Variants in OTUD7A observed in about 807,000 individuals in gnomAD.
The protein encoded by OTUD7A is OTU deubiquitinase 7A.
In OTUD7A, 12 loss-of-function variants were observed where a neutral mutation model predicts 65.7. That is an observed-to-expected ratio of 0.18 (90% CI 0.12 to 0.30). OTUD7A has a LOEUF of 0.30. OTUD7A is among the 10% of genes least tolerant of loss of function. OTUD7A has a pLI of 1.00. For missense variants in OTUD7A, 1,148 were observed against 1,304.8 expected (o/e 0.88, Z 1.85); for synonymous variants, 641 against 586.3 (o/e 1.09, Z -1.35).
intron 3 of OTUD7A, among the ~76,000 whole-genome samples, chr15:31,628,153 A>T (rs934542860): frequency 1.6e-4 from 25 of 152,192 alleles, no homozygotes; most frequent in Non-Finnish European, 2.6e-4. Context: ...TGTTTTAGAC[A>T]TGAAGTCCTT....
chr15:31,724,411 A>T (rs1893828174), intron 1 of OTUD7A, among the ~76,000 whole-genome samples: 1 of 152,200 alleles, frequency 6.6e-6, no homozygotes. Flanking sequence ...ACATTTGCAA[A>T]TGGTAAAGGG....
chr15:31,625,691 T>C (rs1890931126), intron 3 of OTUD7A, among the ~76,000 whole-genome samples: 1 of 152,132 alleles, frequency 6.6e-6, no homozygotes, highest in South Asian at 2.1e-4. Context: ...CACATCTCCA[T>C]AAAAAGACTT....
intron 1 of OTUD7A, among the ~76,000 whole-genome samples, chr15:31,843,031 A>G (rs1206959092): frequency 1.3e-5 from 2 of 152,012 alleles, no homozygotes; most frequent in Non-Finnish European, 2.9e-5. Context: ...CACCACTGCT[A>G]TGCAGACCCT....
intron 1 of OTUD7A, among the ~76,000 whole-genome samples, chr15:31,830,732 TTTACTGA>T (rs1296087939): frequency 3.3e-5 from 5 of 152,232 alleles, no homozygotes; most frequent in African/African-American, 1.2e-4. Context: ...AAGAGACACA[TTTACTGA>T]AGATGTCCTA....
rs138508360 is a variant in OTUD7A at position 31,633,496 on chromosome 15, T to G, written c.151+21600A>C. On this transcript the variant is annotated intron_variant, in intron 3 of 12. Transcript: ENST00000307050. The stretch of plus-strand genomic sequence containing the variant: ...TCATACCAGAAGCAGGGCTTAGTCA[T>G]CCTTGAAAGTTTCCAGGTCTCCACC... Among the ~76,000 whole-genome samples, 4 of 152,310 alleles carry G rather than the reference T, an allele frequency of 2.6e-5. No homozygotes were observed. In the East Asian group the frequency reaches 7.7e-4, roughly 29 times the overall value.
At chr15:31,629,940 C>A (rs1364470760) in intron 3 of OTUD7A, among the ~76,000 whole-genome samples, 1 of 152,000 alleles carries the variant, frequency 6.6e-6, no homozygotes, top group African/African-American at 2.4e-5. Context: ...GTGGTGATAT[C>A]CCCTTTATCA....
At position 31,733,172 on chromosome 15, in the gene OTUD7A, C is replaced by G. The variant is rs1468710970; in HGVS notation, c.-99-76095G>C. Among the ~76,000 whole-genome samples, 3 of 152,210 alleles carry G rather than the reference C, an allele frequency of 2.0e-5. No homozygotes were observed. In the East Asian group the frequency reaches 5.8e-4, roughly 29 times the overall value. ...AGCACTCCATTTCCTTACATCTTAA[C>G]TCAATGGATTGCTGTGAGGGTGAAC... is the stretch of plus-strand genomic sequence containing the variant. On this transcript the variant is annotated intron_variant, in intron 1 of 12. Coordinates refer to ENST00000307050, the MANE Select transcript of OTUD7A (RefSeq NM_001382637.1).
At chr15:31,828,736 C>T (rs1020241654) in intron 1 of OTUD7A, among the ~76,000 whole-genome samples, 6 of 152,092 alleles carry the variant, frequency 3.9e-5, no homozygotes, top group South Asian at 2.1e-4. Flanking sequence ...AACCCATCTC[C>T]CTGAGCTTTT....
chr15:31,550,287 G>A (rs1404273201), intron 5 of OTUD7A, among the ~76,000 whole-genome samples: 2 of 151,930 alleles, frequency 1.3e-5, no homozygotes, highest in African/African-American at 4.8e-5. Flanking sequence ...GGGTCCCTCA[G>A]CTGCAGCACA....
chr15:31,628,313 C>T (rs969770662), intron 3 of OTUD7A, among the ~76,000 whole-genome samples: 9 of 152,140 alleles, frequency 5.9e-5, no homozygotes, highest in African/African-American at 1.9e-4. Flanking sequence ...CTACATATGG[C>T]CAGCCAGTTT....
At chr15:31,576,959 C>T (rs552860232) in intron 3 of OTUD7A, among the ~76,000 whole-genome samples, 2 of 152,132 alleles carry the variant, frequency 1.3e-5, no homozygotes, top group South Asian at 4.2e-4. Context: ...AGTTTAGACA[C>T]AACAGACCAG....
At chr15:31,707,968 G>A (rs1267009203) in intron 1 of OTUD7A, among the ~76,000 whole-genome samples, 2 of 152,014 alleles carry the variant, frequency 1.3e-5, no homozygotes, top group Non-Finnish European at 2.9e-5. Context: ...GAGATTGGGA[G>A]AAACTTCCAA....
intron 3 of OTUD7A, among the ~76,000 whole-genome samples, chr15:31,644,507 C>G (rs1891607364): frequency 6.6e-6 from 1 of 152,114 alleles, no homozygotes; most frequent in Non-Finnish European, 1.5e-5. Flanking sequence ...GAGTCAGGGT[C>G]TTAGTGTTGC....
chr15:31,770,794 G>A (rs750161049), intron 1 of OTUD7A, among the ~76,000 whole-genome samples: 3 of 151,978 alleles, frequency 2.0e-5, no homozygotes, highest in Non-Finnish European at 4.4e-5. Context: ...AAATGAAAAC[G>A]CCAAATAATA....
At chr15:31,777,406 T>C (rs932529100) in intron 1 of OTUD7A, among the ~76,000 whole-genome samples, 1 of 152,244 alleles carries the variant, frequency 6.6e-6, no homozygotes, top group African/African-American at 2.4e-5. Flanking sequence ...TGGTCAACGC[T>C]GAACCATAAT....
intron 1 of OTUD7A, among the ~76,000 whole-genome samples, chr15:31,759,947 G>C (rs548259407): frequency 6.6e-6 from 1 of 152,304 alleles, no homozygotes; most frequent in Admixed American, 6.5e-5. Context: ...GAACTCTGAT[G>C]ACTAGGCTGT....
At chr15:31,740,848 T>C (rs1160050201) in intron 1 of OTUD7A, among the ~76,000 whole-genome samples, 8 of 152,188 alleles carry the variant, frequency 5.3e-5, no homozygotes, top group Admixed American at 5.2e-4. Flanking sequence ...GGGTAAGAAA[T>C]ACATCATGTG....
rs1277473487 is a variant in OTUD7A, at chr15:31,479,524, G to A, written c.*3770C>T. The A allele has an allele frequency of 1.3e-5, 2 of 152,154 alleles. No homozygotes were observed. The highest frequency in any genetic ancestry group is 2.4e-5 in the African/African-American group (1 of 41,432). The allele number at this position is 152,154 out of a possible 1,614,324, so 9.4% of individuals were successfully genotyped here. On this transcript the variant is annotated 3_prime_UTR_variant, in exon 13 of 13. Transcript: ENST00000307050. ...GAATGGAACTTACACACATGGATTT[G>A]GAAAAGTCTGTTTTTTCTTGTACAA... is the stretch of plus-strand genomic sequence containing the variant.
At chr15:31,703,706 T>C (rs1161042749) in intron 1 of OTUD7A, among the ~76,000 whole-genome samples, 1 of 151,506 alleles carries the variant, frequency 6.6e-6, no homozygotes, top group African/African-American at 2.4e-5. Flanking sequence ...AGCAACTGGA[T>C]TCCTGAGCAC....
Sources: allele counts gnomAD v4.1 joint callset (sites outside exome capture counted in the v4.1 genomes callset), GRCh38; gene constraint gnomAD v4.1.1; transcripts MANE v1.5; gene names NCBI Gene and HGNC (gene_info 2026-07-23, HGNC 2026-07-21).